The following GOLGA8B variants were observed in gnomAD, a reference collection of about 807,000 sequenced individuals.
GOLGA8B encodes golgin A8 family member B, also known as golgin subfamily A member 8B.
A neutral mutation model predicts 15.6 loss-of-function variants in GOLGA8B; 1 was observed. The observed-to-expected ratio is 0.06, with a 90% CI of 0.02 to 0.30. The LOEUF is 0.30. GOLGA8B is among the 10% of genes least tolerant of loss of function. The pLI is 1.00. For missense variants in GOLGA8B, 17 were observed against 201.3 expected (o/e 0.08, Z 5.54); for synonymous variants, 9 against 80.3 (o/e 0.11, Z 4.75).
intron 1 of GOLGA8B, among the ~76,000 whole-genome samples, chr15:34,573,719 C>T (rs1888988781): frequency 6.6e-6 from 1 of 151,962 alleles, no homozygotes. Context: ...TTCTTCCTTC[C>T]AGCTCAACAG....
rs1059872 is a variant in GOLGA8B at position 34,526,770 on chromosome 15, T to G, written c.*862A>C. The stretch of plus-strand genomic sequence containing the variant: ...TCTAAGCTAGGAAAGGTTTTCCACA[T>G]CCACAGCCAACGATGGCAGCCTTTC... On this transcript the variant is annotated 3_prime_UTR_variant, in exon 24 of 24. Coordinates refer to ENST00000683415, the MANE Select transcript of GOLGA8B (RefSeq NM_001023567.5). 6.7e-6 allele frequency: 1 copy of G among 149,398 alleles called. No individual in the cohort carries two copies. Among genetic ancestry groups the G allele is most frequent in the Non-Finnish European group, 1.5e-5 (1 of 67,256 alleles). 9.3% of individuals were successfully genotyped at this position (149,398 alleles called of 1,614,324 possible). A position where few individuals can be genotyped will look rare whatever the true frequency, so the allele number is the denominator to read the frequency against.
At chr15:34,580,918 G>A (rs1889210736) in intron 1 of GOLGA8B, among the ~76,000 whole-genome samples, 1 of 152,198 alleles carries the variant, frequency 6.6e-6, no homozygotes, top group African/African-American at 2.4e-5. Flanking sequence ...ACGGCCACCT[G>A]GCAAGGGTGA....
intron 1 of GOLGA8B, among the ~76,000 whole-genome samples, chr15:34,568,927 G>A (rs564944500): frequency 1.3e-3 from 196 of 146,970 alleles, no homozygotes; most frequent in Non-Finnish European, 2.2e-3. Flanking sequence ...GTGTACGCTC[G>A]CGCTCGTGCG....
chr15:34,571,989 GA>G (rs1888927464), intron 1 of GOLGA8B, among the ~76,000 whole-genome samples: 1 of 152,120 alleles, frequency 6.6e-6, no homozygotes, highest in African/African-American at 2.4e-5. Flanking sequence ...CAAATCAAGA[GA>G]AAAACAGGCA....
chr15:34,572,475 C>A (rs1281145288), intron 1 of GOLGA8B, among the ~76,000 whole-genome samples: 1 of 152,196 alleles, frequency 6.6e-6, no homozygotes, highest in Non-Finnish European at 1.5e-5. Context: ...GCGCAAAGGA[C>A]AAGGGAGCAT....
chr15:34,577,504 TCATACACACACACACACACACACA>T (rs1282767860), intron 1 of GOLGA8B, among the ~76,000 whole-genome samples: 181 of 100,620 alleles, frequency 1.8e-3, no homozygotes, highest in Non-Finnish European at 3.0e-3. Flanking sequence ...AAATTATATA[TCATACACACACACACACACACACA>T]CACACACACA....
intron 4 of GOLGA8B, among the ~76,000 whole-genome samples, 165 bp downstream of exon 4, chr15:34,550,973 C>T (rs557587961): frequency 1.1e-5 from 1 of 91,570 alleles, no homozygotes; most frequent in East Asian, 2.9e-4. Flanking sequence ...CTAGCCCAGG[C>T]GACAGAGCAA....
chr15:34,567,688 T>C (rs1368001573), intron 1 of GOLGA8B, among the ~76,000 whole-genome samples: 1 of 151,798 alleles, frequency 6.6e-6, no homozygotes, highest in South Asian at 2.1e-4. Context: ...CATTCCTCAG[T>C]GATACCCAGG....
At chr15:34,577,433 A>G (rs1889111334) in intron 1 of GOLGA8B, among the ~76,000 whole-genome samples, 1 of 152,068 alleles carries the variant, frequency 6.6e-6, no homozygotes, top group African/African-American at 2.4e-5. Context: ...AGAGGAATCC[A>G]TATTTAGAGC....
chr15:34,544,407 G>GT (rs2140334276), intron 7 of GOLGA8B, among the ~76,000 whole-genome samples: 1 of 104,764 alleles, frequency 9.5e-6, no homozygotes, highest in African/African-American at 3.8e-5. Flanking sequence ...GCGTTTCATG[G>GT]TAACTGAACA....
chr15:34,563,644 G>A (rs1179012612), intron 1 of GOLGA8B, among the ~76,000 whole-genome samples: 1 of 151,990 alleles, frequency 6.6e-6, no homozygotes, highest in South Asian at 2.1e-4. Flanking sequence ...GAGCAGATGG[G>A]AGAAATATGT....
intron 1 of GOLGA8B, among the ~76,000 whole-genome samples, chr15:34,560,131 A>G (rs1446920405): frequency 2.0e-5 from 3 of 150,426 alleles, no homozygotes; most frequent in African/African-American, 7.4e-5. Flanking sequence ...CAGATCCTAC[A>G]GGCTGTGGCT....
chr15:34,526,499 G>A lies in GOLGA8B; in HGVS notation c.*1133C>T, dbSNP rs1448945205. On this transcript the variant is annotated 3_prime_UTR_variant, in exon 24 of 24. Transcript: ENST00000683415. ...GTAAAATCAAACTTCAAGCCTCAAA[G>A]AAGCTCCATGAACAGAGAGGAATGC... 3.4e-5 allele frequency: 5 copies of A among 148,922 alleles called. 1 individual carries two copies. Among genetic ancestry groups the A allele is most frequent in the African/African-American group, 1.2e-4 (5 of 40,318 alleles). 9.2% of individuals were successfully genotyped at this position (148,922 alleles called of 1,614,324 possible). A position where few individuals can be genotyped will look rare whatever the true frequency, so the allele number is the denominator to read the frequency against.
chr15:34,531,591 TAGAA>T (rs1170052620), intron 13 of GOLGA8B, 32 bp from the exon 14 acceptor site: 2 of 324,766 alleles, frequency 6.2e-6, no homozygotes, highest in African/African-American at 7.1e-5. Context: ...AGTGCTGAAA[TAGAA>T]GGAAAGAAAC....
chr15:34,573,100 A>G (rs766565175), intron 1 of GOLGA8B, among the ~76,000 whole-genome samples: 1 of 152,238 alleles, frequency 6.6e-6, no homozygotes, highest in East Asian at 1.9e-4. Context: ...ATGCAAAACA[A>G]AAACTACAGA....
intron 1 of GOLGA8B, among the ~76,000 whole-genome samples, chr15:34,571,506 C>T (rs1407334461): frequency 6.6e-6 from 1 of 150,474 alleles, no homozygotes; most frequent in African/African-American, 2.4e-5. Context: ...AATGGAGAAC[C>T]CAGAAACACA....
At chr15:34,560,831 C>CT (rs1204520291) in intron 1 of GOLGA8B, among the ~76,000 whole-genome samples, 1 of 118,208 alleles carries the variant, frequency 8.5e-6, no homozygotes, top group Non-Finnish European at 1.7e-5. Context: ...GGGCTTCTTG[C>CT]TTTTAAGTTA....
chr15:34,546,728 G>A (rs1223065355), intron 5 of GOLGA8B, among the ~76,000 whole-genome samples: 1 of 87,076 alleles, frequency 1.1e-5, no homozygotes, highest in African/African-American at 4.4e-5. Context: ...TAGGATTATA[G>A]GCATGAGCCA....
chr15:34,525,984 A>C lies in GOLGA8B; in HGVS notation c.*1648T>G, dbSNP rs1894432057. The C allele has an allele frequency of 6.7e-6, 1 of 149,294 alleles. No homozygotes were observed. 9.2% of individuals were successfully genotyped at this position (149,294 alleles called of 1,614,324 possible). On this transcript the variant is annotated 3_prime_UTR_variant, in exon 24 of 24. Coordinates refer to ENST00000683415, the MANE Select transcript of GOLGA8B (RefSeq NM_001023567.5). ...TTTGGAACACAGACATTAGAACTTC[A>C]TGAAGTTTTAACTGTTGATTCTTTC...
Sources: allele counts gnomAD v4.1 joint callset (sites outside exome capture counted in the v4.1 genomes callset), GRCh38; gene constraint gnomAD v4.1.1; transcripts MANE v1.5; gene names NCBI Gene and HGNC (gene_info 2026-07-23, HGNC 2026-07-21).